Variants in OCA2 observed in about 807,000 individuals in gnomAD.
OCA2 encodes the protein P protein.
Under a neutral mutation model 100.2 loss-of-function variants are expected in OCA2, and 77 were observed. The observed-to-expected ratio is 0.77, with a 90% CI of 0.64 to 0.93. The LOEUF (loss-of-function observed/expected upper bound fraction) is 0.93, where lower values mean the gene tolerates loss of function less well. Ranked by LOEUF, OCA2 falls within the 40% of genes least tolerant of loss-of-function variation. The probability of loss-of-function intolerance (pLI) is 0.00; values close to 1 mark genes in which losing one functional copy is unlikely to be tolerated. For missense variants in OCA2, 1,062 were observed against 1,089.1 expected (o/e 0.98, Z 0.35); for synonymous variants, 432 against 439.2 (o/e 0.98, Z 0.21).
chr15:28,079,314 A>G (rs2044539375), intron 2 of OCA2, among the ~76,000 whole-genome samples: 1 of 131,336 alleles, frequency 7.6e-6, no homozygotes. Context: ...TTTTTTTTTC[A>G]TTTTCTGCCT....
intron 1 of OCA2, among the ~76,000 whole-genome samples, chr15:28,095,534 T>C (rs2141977737): frequency 6.6e-6 from 1 of 151,846 alleles, no homozygotes; most frequent in African/African-American, 2.4e-5. Context: ...CTGACCAACA[T>C]GGAGAAACCC....
intron 9 of OCA2, among the ~76,000 whole-genome samples, chr15:28,005,675 G>T (rs2042070927): frequency 6.6e-6 from 1 of 152,094 alleles, no homozygotes; most frequent in African/African-American, 2.4e-5. Context: ...CTCTCCATTT[G>T]TAAAGACCCA....
At chr15:27,724,120 A>G in the OCA2 span, among the ~76,000 whole-genome samples, 7 of 152,288 alleles carry the variant, frequency 4.6e-5, no homozygotes, top group Admixed American at 1.3e-4. Context: ...AGAGGGCTCT[A>G]TCTGCCTCAG....
intron 23 of OCA2, among the ~76,000 whole-genome samples, chr15:27,769,237 G>A (rs1397970806): frequency 6.6e-6 from 1 of 152,220 alleles, no homozygotes; most frequent in Non-Finnish European, 1.5e-5. Flanking sequence ...TGTTAGGGAA[G>A]GCACTTGCGT....
At chr15:27,752,808 C>G (rs868615581), downstream of OCA2, among the ~76,000 whole-genome samples, 124 of 125,984 alleles carry the variant, frequency 9.8e-4, 7 homozygotes, top group Admixed American at 1.9e-3. Flanking sequence ...CCACCCCCCC[C>G]CCCCCCCCAG....
chr15:27,846,143 C>T (rs2035527832), intron 22 of OCA2, among the ~76,000 whole-genome samples: 1 of 152,064 alleles, frequency 6.6e-6, no homozygotes, highest in Non-Finnish European at 1.5e-5. Flanking sequence ...CTGCGATATG[C>T]GAGTCTTCGG....
chr15:28,030,466 G>A (rs1342645954), intron 3 of OCA2, among the ~76,000 whole-genome samples: 1 of 152,240 alleles, frequency 6.6e-6, no homozygotes, highest in Non-Finnish European at 1.5e-5. Flanking sequence ...GAGCCAGAGA[G>A]TGAAGGAGTT....
chr15:28,068,305 G>C (rs1417425872), intron 2 of OCA2, among the ~76,000 whole-genome samples: 3 of 152,148 alleles, frequency 2.0e-5, no homozygotes, highest in African/African-American at 7.2e-5. Flanking sequence ...GATTATAAAA[G>C]ATCTTCAGAG....
chr15:28,050,266 C>A (rs1005022622), intron 2 of OCA2, among the ~76,000 whole-genome samples: 3 of 151,986 alleles, frequency 2.0e-5, no homozygotes, highest in African/African-American at 7.3e-5. Flanking sequence ...GTCTGGGCAA[C>A]AGAGCAAGAC....
chr15:28,082,753 G>A (rs552728647), intron 1 of OCA2, among the ~76,000 whole-genome samples: 3 of 152,220 alleles, frequency 2.0e-5, no homozygotes, highest in African/African-American at 7.2e-5. Flanking sequence ...AAGTGCCCAC[G>A]GGGGTCCTTT....
chr15:27,942,489 G>A (rs2039683537), intron 18 of OCA2, among the ~76,000 whole-genome samples: 1 of 151,916 alleles, frequency 6.6e-6, no homozygotes, highest in South Asian at 2.1e-4. Flanking sequence ...GGTTTCCAGG[G>A]TCTGGGGGTT....
At chr15:27,840,540 A>G (rs566505972) in intron 23 of OCA2, among the ~76,000 whole-genome samples, 12 of 152,178 alleles carry the variant, frequency 7.9e-5, no homozygotes, top group Admixed American at 3.3e-4. Flanking sequence ...TAATCAAGAC[A>G]GTGCACTACT....
intron 21 of OCA2, among the ~76,000 whole-genome samples, chr15:27,854,181 T>A (rs2035867558): frequency 6.6e-6 from 1 of 152,240 alleles, no homozygotes; most frequent in African/African-American, 2.4e-5. Context: ...TGTTTCTGCA[T>A]GCCCCTCTGG....
intron 6 of OCA2, among the ~76,000 whole-genome samples, chr15:28,021,824 C>G (rs2141291221): frequency 6.6e-6 from 1 of 152,308 alleles, no homozygotes; most frequent in South Asian, 2.1e-4. Context: ...AAAAGTAGCT[C>G]TTACCCCAGT....
intron 2 of OCA2, among the ~76,000 whole-genome samples, chr15:28,063,817 G>A (rs1320918484): frequency 1.3e-5 from 2 of 152,120 alleles, no homozygotes; most frequent in South Asian, 4.1e-4. Flanking sequence ...ATGGTAGAAT[G>A]AAGGAGTTGC....
At chr15:27,995,168 A>G (rs2041681595) in intron 9 of OCA2, among the ~76,000 whole-genome samples, 1 of 152,186 alleles carries the variant, frequency 6.6e-6, no homozygotes, top group Non-Finnish European at 1.5e-5. Flanking sequence ...AAGCAATGCA[A>G]TGTAATAGGG....
the OCA2 span, among the ~76,000 whole-genome samples, chr15:27,730,361 G>A: frequency 6.6e-6 from 1 of 152,148 alleles, no homozygotes; most frequent in Admixed American, 6.5e-5. Context: ...TCAAGACACT[G>A]GGAAAGGAGG....
chr15:28,004,294 C>T (rs1001280329), intron 9 of OCA2, among the ~76,000 whole-genome samples: 8 of 149,892 alleles, frequency 5.3e-5, no homozygotes, highest in Admixed American at 4.6e-4. Flanking sequence ...TGGCAGCTGT[C>T]CCCGTGGTGT....
At chr15:27,996,767 C>T (rs1166858181) in intron 9 of OCA2, among the ~76,000 whole-genome samples, 1 of 151,882 alleles carries the variant, frequency 6.6e-6, no homozygotes, top group African/African-American at 2.4e-5. Flanking sequence ...CCTGAACAGA[C>T]CAATAAGAAG....
Sources: gnomAD v4.1 joint callset for allele counts (sites outside exome capture counted in the v4.1 genomes callset) on GRCh38, gnomAD v4.1.1 for gene constraint, MANE v1.5 for transcripts, NCBI Gene and HGNC (gene_info 2026-07-23, HGNC 2026-07-21) for gene names.